CHRM2: variants seen among roughly 807,000 people sequenced by gnomAD.
CHRM2 encodes muscarinic acetylcholine receptor M2.
In CHRM2, 8 loss-of-function variants were observed where a neutral mutation model predicts 25.0. The observed-to-expected ratio is 0.32, with a 90% confidence interval of 0.19 to 0.58. The LOEUF (loss-of-function observed/expected upper bound fraction) is 0.58. CHRM2 is among the 20% of genes least tolerant of loss of function. The pLI, the probability that CHRM2 is intolerant of heterozygous loss-of-function variation, is 0.88. For missense variants in CHRM2, 440 were observed against 567.1 expected, an observed-to-expected ratio of 0.78 and a Z score of 2.28; for synonymous variants, 202 against 205.7, an observed-to-expected ratio of 0.98 and a Z score of 0.15.
intron 2 of CHRM2, among the ~76,000 whole-genome samples, chr7:136,930,107 G>A (rs1798971498): frequency 6.6e-6 from 1 of 151,942 alleles, no homozygotes; most frequent in African/African-American, 2.4e-5. Context: ...CAAAGAAGAA[G>A]CTCAATAAAT....
At chr7:136,938,312 A>G in intron 2 of CHRM2, 1 of 1,333,574 alleles carries the variant, frequency 7.5e-7, no homozygotes, top group Non-Finnish European at 1.1e-6. Context: ...TAGCTCTCGA[A>G]CATGTTGTCC....
chr7:136,892,632 C>T (rs1796735650), intron 2 of CHRM2, among the ~76,000 whole-genome samples: 2 of 149,396 alleles, frequency 1.3e-5, no homozygotes, highest in Middle Eastern at 3.4e-3. Context: ...AAAATGATAC[C>T]AAGGAAGAAA....
rs1325494211 is a variant in CHRM2 at position 136,935,632 on chromosome 7, CTCTTA to C, written c.-124-56553_-124-56549del. ...TTAAGTGGCCCCACTCTGCAATTCT[CTCTTA>C]TTTTTATTGAGTTAAATTACACTGG... On this transcript the variant is annotated intron_variant, in intron 2 of 3. Coordinates refer to ENST00000680005, the MANE Select transcript of CHRM2 (RefSeq NM_001006630.2). 5.9e-5 allele frequency among the ~76,000 whole-genome samples: 9 copies of C among 152,258 alleles called. No individual in the cohort carries two copies. In the South Asian group the frequency reaches 1.9e-3, roughly 32 times the overall value.
intron 2 of CHRM2, among the ~76,000 whole-genome samples, chr7:136,980,982 T>G (rs767686864): frequency 1.3e-5 from 2 of 152,202 alleles, no homozygotes; most frequent in African/African-American, 2.4e-5. Flanking sequence ...GGACTCCCTC[T>G]TTTAATATAG....
At chr7:136,873,894 G>A (rs1795943410) in intron 2 of CHRM2, among the ~76,000 whole-genome samples, 1 of 152,202 alleles carries the variant, frequency 6.6e-6, no homozygotes, top group Admixed American at 6.5e-5. Flanking sequence ...ATTGCCTCTG[G>A]CAGAGGTAAA....
chr7:136,982,824 T>C (rs1394272574), intron 2 of CHRM2, among the ~76,000 whole-genome samples: 1 of 152,248 alleles, frequency 6.6e-6, no homozygotes, highest in Non-Finnish European at 1.5e-5. Context: ...GTTAGTCTGA[T>C]GGGCTTCCTT....
chr7:136,954,974 C>T (rs1800634622), intron 2 of CHRM2, among the ~76,000 whole-genome samples: 1 of 152,184 alleles, frequency 6.6e-6, no homozygotes. Context: ...ATCCCCTCCT[C>T]TTCCCACTTT....
At position 137,015,514 on chromosome 7, in the gene CHRM2, A is replaced by G. The variant is rs1418067403; in HGVS notation, c.649A>G (p.Ile217Val). Residue 217 changes from isoleucine to valine, a missense_variant, in exon 4 of 4, where the codon ATA becomes GTA. Ile to Val is a conservative substitution (Grantham distance 29). This residue lies in a region of CHRM2 where 261 missense variants were observed against 261.8 expected (regional missense o/e 1.00). Transcript: ENST00000680005. The surrounding 1 kb of genome is among the most constrained non-coding windows in gnomAD (Gnocchi z 5.1). Reference protein sequence around the residue: ...WHISRASKSRIKKDKKEPVAN... With the variant: ...WHISRASKSRVKKDKKEPVAN... The stretch of plus-strand genomic sequence containing the variant: ...CATATCCCGAGCCAGCAAGAGCAGG[A>G]TAAAGAAGGACAAGAAGGAGCCTGT... 2 of 1,613,146 alleles carry G rather than the reference A, an allele frequency of 1.2e-6. No homozygotes were observed. The highest frequency in any genetic ancestry group is 1.1e-5 in the South Asian group (1 of 91,072).
chr7:136,921,424 C>CA (rs1185373516), intron 2 of CHRM2, among the ~76,000 whole-genome samples: 2 of 152,090 alleles, frequency 1.3e-5, no homozygotes, highest in Admixed American at 6.6e-5. Flanking sequence ...TAAAATCCCC[C>CA]AAAAAATCAT....
At chr7:136,955,394 C>T (rs776099912) in intron 2 of CHRM2, among the ~76,000 whole-genome samples, 3 of 152,126 alleles carry the variant, frequency 2.0e-5, no homozygotes, top group Admixed American at 6.6e-5. Flanking sequence ...CTCTTGTCCT[C>T]GGGTTTTCAC....
chr7:136,897,183 A>T (rs1024449616), intron 2 of CHRM2, among the ~76,000 whole-genome samples: 1 of 151,728 alleles, frequency 6.6e-6, no homozygotes, highest in Admixed American at 6.6e-5. Flanking sequence ...CAGGGTAGGC[A>T]CTTAGGCAGA....
At chr7:136,934,944 G>C (rs904631987) in intron 2 of CHRM2, among the ~76,000 whole-genome samples, 3 of 151,738 alleles carry the variant, frequency 2.0e-5, no homozygotes, top group Non-Finnish European at 4.4e-5. Context: ...AAATATGCAA[G>C]ACATAAATAG....
At chr7:136,896,867 G>A (rs1292435151) in intron 2 of CHRM2, among the ~76,000 whole-genome samples, 1 of 151,994 alleles carries the variant, frequency 6.6e-6, no homozygotes, top group Non-Finnish European at 1.5e-5. Flanking sequence ...AAAGTGAAAC[G>A]TCATTAAAGA....
intron 2 of CHRM2, among the ~76,000 whole-genome samples, chr7:136,930,007 A>C (rs567058273): frequency 6.6e-6 from 1 of 152,260 alleles, no homozygotes; most frequent in South Asian, 2.1e-4. Context: ...AATGGATTGA[A>C]TGTTTCATTA....
intron 2 of CHRM2, among the ~76,000 whole-genome samples, chr7:136,962,363 G>A (rs1418768838): frequency 6.6e-6 from 1 of 152,096 alleles, no homozygotes; most frequent in African/African-American, 2.4e-5. Context: ...TCGAACTCCT[G>A]GCCTCAAGTG....
intron 2 of CHRM2, among the ~76,000 whole-genome samples, chr7:136,912,134 A>G (rs985473578): frequency 1.3e-5 from 2 of 151,886 alleles, no homozygotes; most frequent in African/African-American, 2.4e-5. Context: ...TTTTTTTAAT[A>G]TCATAAAGAT....
At chr7:137,005,387 CTATTA>C (rs1332689284) in intron 3 of CHRM2, among the ~76,000 whole-genome samples, 1 of 152,070 alleles carries the variant, frequency 6.6e-6, no homozygotes, top group African/African-American at 2.4e-5. Flanking sequence ...CTCTACTTAA[CTATTA>C]TAAGATATGC....
chr7:136,978,159 C>T (rs1351707607), intron 2 of CHRM2, among the ~76,000 whole-genome samples: 1 of 152,096 alleles, frequency 6.6e-6, no homozygotes, highest in Non-Finnish European at 1.5e-5. Context: ...TATCCCAAAC[C>T]ATAGAGCCAT....
chr7:136,998,575 G>A (rs1803763593), intron 3 of CHRM2, among the ~76,000 whole-genome samples: 1 of 152,128 alleles, frequency 6.6e-6, no homozygotes, highest in African/African-American at 2.4e-5. Context: ...TGTCCTCATT[G>A]CCACAGGGAC....
Sources: gnomAD v4.1 joint callset for allele counts (sites outside exome capture counted in the v4.1 genomes callset) on GRCh38, gnomAD v4.1.1 for gene constraint, gnomAD v4.1.1 regional missense constraint, Gnocchi (gnomAD v3.1) non-coding constraint, MANE v1.5 for transcripts, NCBI Gene and HGNC (gene_info 2026-07-23, HGNC 2026-07-21) for gene names.